Variants in HECTD4 observed in about 807,000 individuals in gnomAD.
The protein encoded by HECTD4 is probable E3 ubiquitin-protein ligase HECTD4.
HECTD4 carries 114 observed loss-of-function variants against 471.5 expected under a neutral mutation model. The ratio of observed to expected loss-of-function variants is 0.24; its 90% CI spans 0.21 to 0.28. HECTD4 has a LOEUF of 0.28. HECTD4 is among the 10% of genes least tolerant of loss of function. The pLI, the probability that HECTD4 is intolerant of heterozygous loss-of-function variation, is 1.00. For missense variants in HECTD4, 3,866 were observed against 5,651.5 expected, an observed-to-expected ratio of 0.68 and a Z score of 10.13; for synonymous variants, 2,012 against 2,256.0, an observed-to-expected ratio of 0.89 and a Z score of 3.07.
intron 55 of HECTD4, among the ~76,000 whole-genome samples, chr12:112,199,664 C>T (rs548478526): frequency 1.3e-5 from 2 of 152,252 alleles, no homozygotes; most frequent in South Asian, 4.1e-4. Context: ...GGAGCTTTGC[C>T]AGATCTTTAG....
At chr12:112,304,238 A>ATTTTTTTT (rs760947859) in intron 7 of HECTD4, among the ~76,000 whole-genome samples, 25 of 104,394 alleles carry the variant, frequency 2.4e-4, no homozygotes, top group East Asian at 1.3e-3. Context: ...TAAAGACCTA[A>ATTTTTTTT]TTTTTTTTTT....
At chr12:112,311,437 CATAA>C (rs112895022) in intron 4 of HECTD4, among the ~76,000 whole-genome samples, 126,776 of 140,798 alleles carry the variant, frequency 0.9, 57,303 homozygotes, top group East Asian at 0.98. Flanking sequence ...CCCGTCTCTA[CATAA>C]ATAAATAAAT....
At chr12:112,251,919 C>T (rs1362072009) in intron 23 of HECTD4, among the ~76,000 whole-genome samples, 1 of 152,052 alleles carries the variant, frequency 6.6e-6, no homozygotes, top group Non-Finnish European at 1.5e-5. Flanking sequence ...CTACAGGTGC[C>T]CACCACCACA....
chr12:112,185,517 A>C, intron 60 of HECTD4, 24 bp from the exon 61 acceptor site: 2 of 1,480,544 alleles, frequency 1.4e-6, no homozygotes, highest in Non-Finnish European at 9.1e-7. Flanking sequence ...AAATAGTAAC[A>C]GTAATTACTA....
chr12:112,170,521 C>G, intron 68 of HECTD4, 69 bp from the exon 69 acceptor site: 6 of 1,565,260 alleles, frequency 3.8e-6, no homozygotes, highest in Non-Finnish European at 4.3e-6. Flanking sequence ...CCCCAAGACT[C>G]TCTTCCGGTC....
At chr12:112,285,314 T>G (rs1424158024) in intron 7 of HECTD4, among the ~76,000 whole-genome samples, 1 of 152,112 alleles carries the variant, frequency 6.6e-6, no homozygotes, top group African/African-American at 2.4e-5. Context: ...GTCCAAGACC[T>G]CCACCTGGAA....
chr12:112,169,408 T>G, intron 70 of HECTD4, 95 bp downstream of exon 70: 1 of 1,336,688 alleles, frequency 7.5e-7, no homozygotes, highest in Non-Finnish European at 1.0e-6. Context: ...GGATGTGGCT[T>G]TTACTCTTGG....
In HECTD4 at chr12:112,274,873, C is replaced by T. The variant is rs1235986856; in HGVS notation, c.1775G>A (p.Gly592Glu). ...DLIDAAGSSL[G>E]RGALVPGLGA... ...CAATCCTGGTACGAGAGCACCACGC[C>T]CCAGTGAGCTTCCAGCAGCATCTAT... is the stretch of plus-strand genomic sequence containing the variant. The change falls in exon 10 of 76, where the codon GGG becomes GAG. Residue 592 changes from glycine to glutamate, a missense_variant. Coordinates refer to ENST00000682272, the MANE Select transcript of HECTD4 (RefSeq NM_001388303.1). 1.3e-6 allele frequency: 2 copies of T among 1,548,990 alleles called. No homozygotes were observed. Among genetic ancestry groups the T allele is most frequent in the Non-Finnish European group, 1.7e-6 (2 of 1,145,618 alleles).
intron 8 of HECTD4, among the ~76,000 whole-genome samples, chr12:112,281,030 A>C (rs1031892452): frequency 1.1e-4 from 17 of 152,096 alleles, no homozygotes; most frequent in African/African-American, 4.1e-4. Flanking sequence ...ACCTCAGGTG[A>C]TCCACCCACC....
intron 4 of HECTD4, among the ~76,000 whole-genome samples, chr12:112,312,142 C>T (rs916760378): frequency 6.6e-6 from 1 of 152,188 alleles, no homozygotes; most frequent in African/African-American, 2.4e-5. Flanking sequence ...CTGTCCCACA[C>T]CTGATGAACA....
Position 112,325,088 on chromosome 12 carries a change from T to C in HECTD4, c.178-5346A>G, listed in dbSNP as rs1012507111. On this transcript the variant is annotated intron_variant, in intron 1 of 75. Coordinates refer to ENST00000682272, the MANE Select transcript of HECTD4 (RefSeq NM_001388303.1). ...AGTACTTCTGAAATATGACATTTCA[T>C]GGTACATAAAATGATGTGTATGACA... Among the ~76,000 whole-genome samples, 55 of 152,334 alleles carry C rather than the reference T, an allele frequency of 3.6e-4. 1 individual carries two copies. The highest frequency in any genetic ancestry group is 1.2e-3 in the African/African-American group (51 of 41,582).
At chr12:112,279,774 G>T (rs2034596193) in intron 8 of HECTD4, among the ~76,000 whole-genome samples, 1 of 152,190 alleles carries the variant, frequency 6.6e-6, no homozygotes, top group African/African-American at 2.4e-5. Context: ...ACATTTATCT[G>T]AAATGCCTGG....
At position 112,319,775 on chromosome 12, in the gene HECTD4, T is replaced by C; in HGVS notation, c.178-33A>G. ...AAAAGACGATGGAGAAGTGGGTAAA[T>C]ATTACTTTCACCAAAGTCATCTAAG... On this transcript the variant is annotated intron_variant, in intron 1 of 75. Transcript: ENST00000682272. The surrounding 1 kb of genome is among the most constrained non-coding windows in gnomAD (Gnocchi z 5.3). 4.0e-6 allele frequency: 5 copies of C among 1,238,246 alleles called. No homozygotes were observed. The highest frequency in any genetic ancestry group is 5.1e-6 in the Non-Finnish European group (5 of 989,838). 76.7% of individuals were successfully genotyped at this position (1,238,246 alleles called of 1,614,324 possible). A position where few individuals can be genotyped will look rare whatever the true frequency, so the allele number is the denominator to read the frequency against.
At chr12:112,308,602 T>TA (rs2035315515) in intron 6 of HECTD4, 151 bp downstream of exon 6, 1 of 727,914 alleles carries the variant, frequency 1.4e-6, no homozygotes, top group Admixed American at 3.3e-5. Context: ...AGACATTAAA[T>TA]AAAAAACAGA....
Position 112,367,820 on chromosome 12 carries a change from CAAAAAAAAAAAAAA to C in HECTD4, c.177+14118_177+14131del, listed in dbSNP as rs59590181. ...TGGGCAACAGAGGGAGACTCCATCT[CAAAAAAAAAAAAAA>C]AAAAAAAAAAAAAACGCTAACACGT... On this transcript the variant is annotated intron_variant, in intron 1 of 75. Coordinates refer to ENST00000682272, the MANE Select transcript of HECTD4 (RefSeq NM_001388303.1). Among the ~76,000 whole-genome samples the C allele has an allele frequency of 1.8e-3, 23 of 12,574 alleles. No homozygotes were observed. The East Asian group carries it at 0.034, about 19-fold the overall frequency. 8.2% of individuals were successfully genotyped at this position (12,574 alleles called of 152,430 possible).
chr12:112,185,371 A>C lies in HECTD4; in HGVS notation c.9595T>G (p.Ser3199Ala), dbSNP rs778823761. 4.3e-6 allele frequency: 7 copies of C among 1,610,290 alleles called. No individual in the cohort carries two copies. The highest frequency in any genetic ancestry group is 5.9e-6 in the Non-Finnish European group (7 of 1,178,742). The change falls in exon 61 of 76, where the codon TCC becomes GCC. Residue 3199 changes from serine (S) to alanine (A), a missense_variant. This residue lies in a region of HECTD4 where 364 missense variants were observed against 413.2 expected (regional missense o/e 0.88). Coordinates refer to ENST00000682272, the MANE Select transcript of HECTD4 (RefSeq NM_001388303.1). ...EQRRHPAGLS[S>A]SIALQLNPCL... ...GGGTTCAGCTGGAGGGCGATTGAGGAGGACAGGCCAGCGGGGTGCCGCCTC... is the reference window on the plus strand; with the variant it reads ...GGGTTCAGCTGGAGGGCGATTGAGGCGGACAGGCCAGCGGGGTGCCGCCTC...
At position 112,179,376 on chromosome 12, in the gene HECTD4, G is replaced by A. The variant is rs1204735005; in HGVS notation, c.11009C>T (p.Ala3670Val). The change falls in exon 63 of 76, where the codon GCC becomes GTC. Residue 3670 changes from alanine (A) to valine (V), a missense_variant. Physicochemically the swap from Ala to Val is moderately conservative, Grantham distance 64. Coordinates refer to ENST00000682272, the MANE Select transcript of HECTD4 (RefSeq NM_001388303.1). The surrounding 1 kb of genome is among the most constrained non-coding windows in gnomAD (Gnocchi z 4.3). The stretch of plus-strand genomic sequence containing the variant: ...AAATATCTCCGTCAGAACCTCTCTG[G>A]CTCCGGGCACCAGCTTCTCCCCTGT... The part of the protein sequence containing the change: ...SIKGEKLVPG[A>V]REVLTEIFKS... 6.2e-7 allele frequency: 1 copy of A among 1,611,800 alleles called. No homozygotes were observed. The highest frequency in any genetic ancestry group is 1.3e-5 in the African/African-American group (1 of 74,910).
Position 112,207,993 on chromosome 12 carries a change from T to C in HECTD4, c.8012A>G (p.His2671Arg). ...CCATGCTTTCACCAGCAGGGCGTAG[T>C]GGTCCTCCTGGAAGCAGAAGGAACC... is the stretch of plus-strand genomic sequence containing the variant. Reference protein sequence around the residue: ...DDDDDIPQEDHYALLVKAWET... With the variant: ...DDDDDIPQEDRYALLVKAWET... Residue 2671 changes from histidine to arginine, a missense_variant, in exon 52 of 76, where the codon CAC becomes CGC. Around this residue, in one of 16 missense-constraint regions of HECTD4, gnomAD observed 266 missense variants for 441.6 expected, o/e 0.60. Transcript: ENST00000682272. 2 of 1,613,136 alleles carry C rather than the reference T, an allele frequency of 1.2e-6. No individual in the cohort carries two copies. The highest frequency in any genetic ancestry group is 4.5e-5 in the East Asian group (2 of 44,870).
Position 112,210,085 on chromosome 12 carries a change from G to C in HECTD4, c.7797C>G (p.Thr2599=), listed in dbSNP as rs748094921. 36 of 1,613,882 alleles carry C rather than the reference G, an allele frequency of 2.2e-5. No homozygotes were observed. In the South Asian group the frequency reaches 3.8e-4, roughly 17 times the overall value. Residue 2599 remains threonine, a synonymous_variant, in exon 50 of 76, where the codon ACC becomes ACG. Transcript: ENST00000682272. ...MASDSDNDAG[T]SIASDPGTHG... ...GAGTGCCTGGGTCTGATGCAATACT[G>C]GTGCCAGCATCATTGTCACTGTCAG...
Sources: allele counts gnomAD v4.1 joint callset (sites outside exome capture counted in the v4.1 genomes callset), GRCh38; gene constraint gnomAD v4.1.1; regional missense constraint gnomAD v4.1.1; non-coding constraint Gnocchi (gnomAD v3.1); transcripts MANE v1.5; gene names NCBI Gene and HGNC (gene_info 2026-07-23, HGNC 2026-07-21).